The following GPC6 variants were observed in gnomAD, a reference collection of about 807,000 sequenced individuals.
GPC6 encodes the protein glypican-6.
Under a neutral mutation model 55.2 loss-of-function variants are expected in GPC6, and 14 were observed. That is an observed-to-expected ratio of 0.25 (90% CI 0.17 to 0.40). GPC6 has a LOEUF of 0.40. Among genes scored for constraint, GPC6 ranks in the 10% least tolerant of loss-of-function variants. The pLI is 1.00. For synonymous variants in GPC6, 278 were observed against 259.6 expected (o/e 1.07, Z -0.68); for missense variants, 641 against 708.5 (o/e 0.90, Z 1.08).
chr13:93,231,346 CAT>C (rs1272629504), intron 1 of GPC6, among the ~76,000 whole-genome samples: 537 of 24,064 alleles, frequency 0.022, 5 homozygotes, highest in East Asian at 0.069. Context: ...TATATATATA[CAT>C]ATATATATAT....
At chr13:93,509,825 T>C (rs1880879166) in intron 1 of GPC6, among the ~76,000 whole-genome samples, 1 of 152,210 alleles carries the variant, frequency 6.6e-6, no homozygotes, top group Non-Finnish European at 1.5e-5. Flanking sequence ...TTTAATTTAC[T>C]TTAGGAAATT....
chr13:93,939,162 A>AACT, intron 3 of GPC6, among the ~76,000 whole-genome samples: 1 of 151,398 alleles, frequency 6.6e-6, no homozygotes, highest in Non-Finnish European at 1.5e-5. Flanking sequence ...TGAAGGAGCA[A>AACT]TTGAGCAGTT....
chr13:93,486,913 C>T (rs1879735301), intron 1 of GPC6, among the ~76,000 whole-genome samples: 1 of 150,648 alleles, frequency 6.6e-6, no homozygotes, highest in South Asian at 2.1e-4. Context: ...CCACCATACT[C>T]CAGCCTGGCG....
At chr13:94,347,981 G>T (rs1201091169) in intron 6 of GPC6, among the ~76,000 whole-genome samples, 1 of 152,220 alleles carries the variant, frequency 6.6e-6, no homozygotes, top group African/African-American at 2.4e-5. Flanking sequence ...CACTGCCCAG[G>T]TTGATCAGGT....
At chr13:93,570,597 T>C (rs1376615447) in intron 2 of GPC6, among the ~76,000 whole-genome samples, 1 of 152,166 alleles carries the variant, frequency 6.6e-6, no homozygotes, top group African/African-American at 2.4e-5. Context: ...AAGTGAATGT[T>C]TTCTGTTCTG....
At chr13:94,377,418 T>A (rs1879927511) in intron 6 of GPC6, among the ~76,000 whole-genome samples, 1 of 139,278 alleles carries the variant, frequency 7.2e-6, no homozygotes, top group Non-Finnish European at 1.6e-5. Flanking sequence ...AAGAAGACAT[T>A]TATGCAGCCA....
intron 4 of GPC6, among the ~76,000 whole-genome samples, chr13:94,221,729 G>GA (rs1010323615): frequency 4.1e-4 from 62 of 151,680 alleles, no homozygotes; most frequent in African/African-American, 1.4e-3. Context: ...TATCTTTCTG[G>GA]AAAAAAAATT....
At chr13:94,122,505 G>A (rs1384451935) in intron 4 of GPC6, among the ~76,000 whole-genome samples, 1 of 152,060 alleles carries the variant, frequency 6.6e-6, no homozygotes, top group African/African-American at 2.4e-5. Context: ...GACCAGTCCT[G>A]CAACTCCAGC....
At chr13:93,306,808 T>A (rs1360629108) in intron 1 of GPC6, among the ~76,000 whole-genome samples, 1 of 152,150 alleles carries the variant, frequency 6.6e-6, no homozygotes, top group East Asian at 1.9e-4. Flanking sequence ...AAGTAGCTAT[T>A]CTTTGTAATT....
chr13:93,676,168 TACATAC>T (rs1214867988), intron 2 of GPC6, among the ~76,000 whole-genome samples: 11 of 39,448 alleles, frequency 2.8e-4, no homozygotes, highest in African/African-American at 9.6e-4. Flanking sequence ...TATATATATA[TACATAC>T]ACACACACAC....
At chr13:93,506,473 A>T (rs1254008041) in intron 1 of GPC6, among the ~76,000 whole-genome samples, 1 of 152,192 alleles carries the variant, frequency 6.6e-6, no homozygotes, top group Non-Finnish European at 1.5e-5. Flanking sequence ...AAGAGGTAAA[A>T]GATAACTCTT....
At chr13:93,580,203 G>A (rs1255245754) in intron 2 of GPC6, among the ~76,000 whole-genome samples, 3 of 152,054 alleles carry the variant, frequency 2.0e-5, no homozygotes, top group African/African-American at 7.2e-5. Context: ...GACCTCACCT[G>A]GTGGAAAGAG....
At chr13:94,028,645 T>A (rs1321854810) in intron 4 of GPC6, among the ~76,000 whole-genome samples, 9 of 152,120 alleles carry the variant, frequency 5.9e-5, no homozygotes, top group Non-Finnish European at 1.2e-4. Context: ...ATATGCAAAT[T>A]TTCTATCTCA....
Position 93,997,581 on chromosome 13 carries a change from A to ATGTATGTGTGTGTGTG in GPC6, c.712-30145_712-30144insATGTGTGTGTGTGTGT, listed in dbSNP as rs1555347601. ...TCACATCAGCATAAAAAGACATAAT[A>ATGTATGTGTGTGTGTG]TGTGTGTGTGTGTGTGTGTGTGTGT... On this transcript the variant is annotated intron_variant, in intron 3 of 8. Coordinates refer to ENST00000377047, the MANE Select transcript of GPC6 (RefSeq NM_005708.5). Among the ~76,000 whole-genome samples the ATGTATGTGTGTGTGTG allele has an allele frequency of 1.3e-4, 19 of 148,926 alleles. 1 individual carries two copies. The East Asian group carries it at 1.8e-3, about 14-fold the overall frequency.
At chr13:93,993,464 T>A (rs536439651) in intron 3 of GPC6, among the ~76,000 whole-genome samples, 1 of 152,072 alleles carries the variant, frequency 6.6e-6, no homozygotes, top group Non-Finnish European at 1.5e-5. Context: ...CCGGTAATTT[T>A]TTTGTATTTT....
intron 1 of GPC6, among the ~76,000 whole-genome samples, chr13:93,248,771 C>T (rs1277920801): frequency 1.3e-5 from 2 of 152,200 alleles, no homozygotes; most frequent in Admixed American, 6.5e-5. Flanking sequence ...CACCTTCAAC[C>T]GCATTTCAGC....
At chr13:93,797,818 TG>T (rs2138932354) in intron 2 of GPC6, among the ~76,000 whole-genome samples, 2 of 152,334 alleles carry the variant, frequency 1.3e-5, no homozygotes, top group Non-Finnish European at 2.9e-5. Flanking sequence ...GTTTTTTATC[TG>T]TAGTCACAGC....
At chr13:93,480,099 T>C (rs1879460044) in intron 1 of GPC6, among the ~76,000 whole-genome samples, 1 of 152,250 alleles carries the variant, frequency 6.6e-6, no homozygotes, top group Non-Finnish European at 1.5e-5. Flanking sequence ...TCTTTATTTC[T>C]GATAAGCAGT....
At chr13:93,261,784 C>G (rs938093260) in intron 1 of GPC6, among the ~76,000 whole-genome samples, 17 of 152,130 alleles carry the variant, frequency 1.1e-4, no homozygotes, top group African/African-American at 3.9e-4. Flanking sequence ...TTAACTGTCT[C>G]TTCACTTTTG....
Sources: gnomAD v4.1 joint callset for allele counts (sites outside exome capture counted in the v4.1 genomes callset) on GRCh38, gnomAD v4.1.1 for gene constraint, MANE v1.5 for transcripts, NCBI Gene and HGNC (gene_info 2026-07-23, HGNC 2026-07-21) for gene names.